Variants in PI4K2B observed in about 807,000 individuals in gnomAD.
PI4K2B encodes phosphatidylinositol 4-kinase type 2 beta.
A neutral mutation model predicts 56.6 loss-of-function variants in PI4K2B; 46 were observed. That is an observed-to-expected ratio of 0.81 (90% CI 0.64 to 1.04). PI4K2B has a LOEUF of 1.04. PI4K2B is among the 50% of genes least tolerant of loss of function. The pLI, the probability that PI4K2B is intolerant of heterozygous loss-of-function variation, is 0.00. For missense variants in PI4K2B, 556 were observed against 607.7 expected (o/e 0.91, Z 0.89); for synonymous variants, 211 against 223.8 (o/e 0.94, Z 0.51).
At chr4:25,273,892 G>A (rs1018308038) in intron 9 of PI4K2B, among the ~76,000 whole-genome samples, 1 of 152,108 alleles carries the variant, frequency 6.6e-6, no homozygotes, top group Non-Finnish European at 1.5e-5. Context: ...TTGCCGTTTT[G>A]CCCCTCTCCC....
chr4:25,258,213 C>CTTTTTTTTTTTTT lies in PI4K2B; in HGVS notation c.757-822_757-810dup, dbSNP rs545122643. Among the ~76,000 whole-genome samples the CTTTTTTTTTTTTT allele has an allele frequency of 8.4e-5, 10 of 119,036 alleles. 1 individual carries two copies. Among genetic ancestry groups the CTTTTTTTTTTTTT allele is most frequent in the Non-Finnish European group, 1.4e-4 (8 of 57,120 alleles). The allele number at this position is 119,036 out of a possible 152,430, so 78.1% of individuals were successfully genotyped here. A position where few individuals can be genotyped will look rare whatever the true frequency, so the allele number is the denominator to read the frequency against. ...AATCTGTGTGGTTAAGGAATCTGTC[C>CTTTTTTTTTTTTT]TTTTTTTTTTTTTTGAGACAGTCTC... On this transcript the variant is annotated intron_variant, in intron 4 of 9. Coordinates refer to ENST00000264864, the MANE Select transcript of PI4K2B (RefSeq NM_018323.4).
intron 2 of PI4K2B, among the ~76,000 whole-genome samples, chr4:25,253,935 C>A (rs1716160210): frequency 6.6e-6 from 1 of 152,088 alleles, no homozygotes; most frequent in African/African-American, 2.4e-5. Context: ...CCACGCCGAG[C>A]TAATTGTTGT....
At chr4:25,246,396 A>G (rs1251077740) in intron 1 of PI4K2B, among the ~76,000 whole-genome samples, 1 of 152,184 alleles carries the variant, frequency 6.6e-6, no homozygotes, top group African/African-American at 2.4e-5. Context: ...GCTAGACACA[A>G]AAGTTCTCCA....
chr4:25,270,817 A>G (rs986578852), intron 9 of PI4K2B, among the ~76,000 whole-genome samples: 12 of 152,300 alleles, frequency 7.9e-5, no homozygotes, highest in Non-Finnish European at 1.5e-4. Context: ...AATAAATTAT[A>G]CTGTAAACAT....
chr4:25,237,351 T>G (rs1715307637), intron 1 of PI4K2B, among the ~76,000 whole-genome samples: 1 of 152,112 alleles, frequency 6.6e-6, no homozygotes, highest in South Asian at 2.1e-4. Flanking sequence ...TGTTTTTTTT[T>G]TTTGTTTTTG....
In PI4K2B at chr4:25,259,120, G is replaced by C. The variant is rs747092105; in HGVS notation, c.840G>C (p.Glu280Asp). 3 of 1,583,208 alleles carry C rather than the reference G, an allele frequency of 1.9e-6. No homozygotes were observed. Among genetic ancestry groups the C allele is most frequent in the Non-Finnish European group, 2.6e-6 (3 of 1,152,612 alleles). ...AATTTGAAGCTGACCCTTTGCCTGAGAATATTAGAAAACAATTTCAGTCAC... is the reference window on the plus strand; with the variant it reads ...AATTTGAAGCTGACCCTTTGCCTGACAATATTAGAAAACAATTTCAGTCAC... ...LRKFEADPLP[E>D]NIRKQFQSQF... Residue 280 changes from glutamate to aspartate, a missense_variant, in exon 5 of 10, where the codon GAG (glutamate) becomes GAC (aspartate). Transcript: ENST00000264864.
At chr4:25,238,898 C>G (rs2109082837) in intron 1 of PI4K2B, among the ~76,000 whole-genome samples, 1 of 152,324 alleles carries the variant, frequency 6.6e-6, no homozygotes, top group South Asian at 2.1e-4. Flanking sequence ...GCCCCACCCA[C>G]ATCCTGCTGA....
In PI4K2B at chr4:25,263,756, A is replaced by G; in HGVS notation, c.985A>G (p.Lys329Glu). ...CEKEIDHKES[K>E]WIDDEEFLIK... ...TCATTTTTCTACTCTATAGGAATCAAAATGGATTGATGATGAAGAATTCCT... is the reference window on the plus strand; with the variant it reads ...TCATTTTTCTACTCTATAGGAATCAGAATGGATTGATGATGAAGAATTCCT... Residue 329 changes from lysine (K) to glutamate (E), a missense_variant, in exon 7 of 10, where the codon AAA becomes GAA. Coordinates refer to ENST00000264864, the MANE Select transcript of PI4K2B (RefSeq NM_018323.4). The G allele has an allele frequency of 3.0e-6, 4 of 1,343,370 alleles. No homozygotes were observed. Among genetic ancestry groups the G allele is most frequent in the East Asian group, 2.3e-5 (1 of 43,320 alleles). 83.2% of individuals were successfully genotyped at this position (1,343,370 alleles called of 1,614,324 possible).
At chr4:25,267,751 T>C (rs1716718918) in intron 7 of PI4K2B, 1 of 979,756 alleles carries the variant, frequency 1.0e-6, no homozygotes, top group Non-Finnish European at 1.2e-6. Context: ...TTAGATTTAA[T>C]GGTCTTCTTG....
chr4:25,258,584 A>G (rs1015083888), intron 4 of PI4K2B: 2 of 258,794 alleles, frequency 7.7e-6, no homozygotes, highest in African/African-American at 4.6e-5. Flanking sequence ...AAAAAAAATG[A>G]AAAAAAATTA....
At position 25,265,820 on chromosome 4, in the gene PI4K2B, T is replaced by C. The variant is rs568925730; in HGVS notation, c.1078+1971T>C. On this transcript the variant is annotated intron_variant, in intron 7 of 9. Coordinates refer to ENST00000264864, the MANE Select transcript of PI4K2B (RefSeq NM_018323.4). ...TTTAGAGGATAGTATTTGAAAAGAA[T>C]GAGGACAAAATTCTGTCTGCTAACC... Among the ~76,000 whole-genome samples the C allele has an allele frequency of 7.2e-5, 11 of 152,342 alleles. No homozygotes were observed. In the East Asian group the frequency reaches 2.1e-3, roughly 29 times the overall value.
chr4:25,266,966 G>A (rs966982332), intron 7 of PI4K2B, among the ~76,000 whole-genome samples: 1 of 151,894 alleles, frequency 6.6e-6, no homozygotes, highest in African/African-American at 2.4e-5. Flanking sequence ...TGGAATCAGG[G>A]GTAACAGTGA....
chr4:25,277,480 C>T lies in PI4K2B; in HGVS notation c.*293C>T, dbSNP rs1181102813. 1 of 204,576 alleles carries T rather than the reference C, an allele frequency of 4.9e-6. No homozygotes were observed. Among genetic ancestry groups the T allele is most frequent in the Non-Finnish European group, 9.8e-6 (1 of 102,066 alleles). The allele number at this position is 204,576 out of a possible 1,614,324, so 12.7% of individuals were successfully genotyped here. A position where few individuals can be genotyped will look rare whatever the true frequency, so the allele number is the denominator to read the frequency against. ...ACATGCTGGAATGACTGTAATTACTCTAGAATTCCAAGTAGAATACAATAA... is the reference window on the plus strand; with the variant it reads ...ACATGCTGGAATGACTGTAATTACTTTAGAATTCCAAGTAGAATACAATAA... On this transcript the variant is annotated 3_prime_UTR_variant, in exon 10 of 10. Transcript: ENST00000264864.
Position 25,263,832 on chromosome 4 carries a change from C to A in PI4K2B, c.1061C>A (p.Pro354His). 6.9e-7 allele frequency: 1 copy of A among 1,457,238 alleles called. No homozygotes were observed. Among genetic ancestry groups the A allele is most frequent in the Non-Finnish European group, 9.6e-7 (1 of 1,039,730 alleles). The allele number at this position is 1,457,238 out of a possible 1,614,324, so 90.3% of individuals were successfully genotyped here. ...GGTCTAGCATTTCCTTTTAAACATC[C>A]TGATGAATGGAGAGCATGTGAGTAT... The part of the protein sequence containing the change: ...DNGLAFPFKH[P>H]DEWRAYPFHW... Residue 354 changes from proline (P) to histidine (H), a missense_variant, in exon 7 of 10, where the codon CCT becomes CAT. Transcript: ENST00000264864.
chr4:25,234,616 C>G (rs925976128), intron 1 of PI4K2B, among the ~76,000 whole-genome samples, 185 bp downstream of exon 1: 1 of 152,250 alleles, frequency 6.6e-6, no homozygotes, highest in African/African-American at 2.4e-5. Flanking sequence ...CTTGCTCGCT[C>G]TTTCTCCGGG....
intron 1 of PI4K2B, among the ~76,000 whole-genome samples, chr4:25,241,132 C>G (rs751981486): frequency 6.6e-6 from 1 of 152,256 alleles, no homozygotes; most frequent in Non-Finnish European, 1.5e-5. Context: ...TAGGAACTCC[C>G]TTTCTTTCCA....
chr4:25,256,454 T>G, intron 3 of PI4K2B, 89 bp from the exon 4 acceptor site: 1 of 1,251,148 alleles, frequency 8.0e-7, no homozygotes, highest in Non-Finnish European at 1.1e-6. Flanking sequence ...CTTTGCTAAT[T>G]TTCATCATTA....
intron 6 of PI4K2B, 97 bp from the exon 7 acceptor site, chr4:25,263,653 A>T (rs769593369): frequency 3.4e-5 from 17 of 506,382 alleles, no homozygotes; most frequent in Non-Finnish European, 5.7e-5. Context: ...ATCCGAGAGA[A>T]TATGTTCTTA....
rs541944881 is a variant in PI4K2B, at chr4:25,266,383, T to C, written c.1079-2060T>C. 7.9e-5 allele frequency among the ~76,000 whole-genome samples: 12 copies of C among 152,358 alleles called. No individual in the cohort carries two copies. In the South Asian group the frequency reaches 1.7e-3, roughly 21 times the overall value. On this transcript the variant is annotated intron_variant, in intron 7 of 9. Transcript: ENST00000264864. ...CATTTTGTTTTAGATATGTGACTTA[T>C]GAAGAATACTTAGCTGTTTTTTTAA...
Sources: gnomAD v4.1 joint callset for allele counts (sites outside exome capture counted in the v4.1 genomes callset) on GRCh38, gnomAD v4.1.1 for gene constraint, MANE v1.5 for transcripts, NCBI Gene and HGNC (gene_info 2026-07-23, HGNC 2026-07-21) for gene names.